CAND1: variants seen among roughly 807,000 people sequenced by gnomAD.
CAND1 encodes the protein cullin-associated NEDD8-dissociated protein 1.
Under a neutral mutation model 108.5 loss-of-function variants are expected in CAND1, and 7 were observed. The observed-to-expected ratio is 0.06, with a 90% CI of 0.04 to 0.12. The LOEUF (loss-of-function observed/expected upper bound fraction) is 0.12. Among genes scored for constraint, CAND1 ranks in the 10% least tolerant of loss-of-function variants. The probability of loss-of-function intolerance (pLI) is 1.00; values close to 1 mark genes in which losing one functional copy is unlikely to be tolerated. For missense variants in CAND1, 941 were observed against 1,448.7 expected (o/e 0.65, Z 5.69); for synonymous variants, 534 against 512.0 (o/e 1.04, Z -0.58).
At chr12:67,297,099 TG>T (rs1417852297) in intron 4 of CAND1, among the ~76,000 whole-genome samples, 1 of 151,966 alleles carries the variant, frequency 6.6e-6, no homozygotes, top group East Asian at 1.9e-4. Flanking sequence ...CACCCAGACT[TG>T]TGGTTTTTGT....
chr12:67,289,084 T>G (rs1337653016), intron 2 of CAND1, among the ~76,000 whole-genome samples: 1 of 152,212 alleles, frequency 6.6e-6, no homozygotes, highest in Non-Finnish European at 1.5e-5. Flanking sequence ...TTGTTTTGTC[T>G]GTTTTTATTT....
Position 67,306,624 on chromosome 12 carries a change from A to G in CAND1, c.2929+27A>G, listed in dbSNP as rs764740192. 6.5e-6 allele frequency: 10 copies of G among 1,529,848 alleles called. No individual in the cohort carries two copies. The South Asian group carries it at 1.3e-4, about 20-fold the overall frequency. 94.8% of individuals were successfully genotyped at this position (1,529,848 alleles called of 1,614,324 possible). On this transcript the variant is annotated intron_variant, in intron 10 of 14. Coordinates refer to ENST00000545606, the MANE Select transcript of CAND1 (RefSeq NM_018448.5). ...TAGGTATCTAGATTTTCTTACTTAA[A>G]AAGTTTTTTATTGATAGTTGGTTGC...
In CAND1 at chr12:67,282,025, G is replaced by T; in HGVS notation, c.184G>T (p.Gly62Ter). ...MILKLLEDKN[G>*]EVQNLAVKCL... ...TTTGAAGTTATTGGAAGATAAAAATGGAGAGGTACAGAATTTAGCTGTCAA... is the reference window on the plus strand; with the variant it reads ...TTTGAAGTTATTGGAAGATAAAAATTGAGAGGTACAGAATTTAGCTGTCAA... The change falls in exon 2 of 15, where the codon GGA becomes TGA. Residue 62 changes from glycine (G) to a stop codon, truncating the protein, a stop_gained. Transcript: ENST00000545606. LOFTEE classifies it high-confidence loss of function. The T allele has an allele frequency of 1.2e-6, 2 of 1,612,312 alleles. No homozygotes were observed. The highest frequency in any genetic ancestry group is 1.1e-5 in the South Asian group (1 of 90,608).
intron 1 of CAND1, among the ~76,000 whole-genome samples, chr12:67,277,819 A>C (rs574790873): frequency 6.6e-6 from 1 of 152,104 alleles, no homozygotes; most frequent in African/African-American, 2.4e-5. Flanking sequence ...TTTTTTTTCC[A>C]TCTTCATTGA....
intron 5 of CAND1, 34 bp from the exon 6 acceptor site, chr12:67,297,714 G>A (rs1192435320): frequency 1.3e-6 from 2 of 1,577,354 alleles, no homozygotes; most frequent in Non-Finnish European, 1.7e-6. Flanking sequence ...AAAAATTAAT[G>A]CATGTTTTTA....
intron 2 of CAND1, among the ~76,000 whole-genome samples, chr12:67,284,211 T>C (rs1043365498): frequency 1.3e-5 from 2 of 152,014 alleles, no homozygotes; most frequent in African/African-American, 4.8e-5. Context: ...ATAGGGTAAG[T>C]ATGAAAACCT....
intron 8 of CAND1, 62 bp downstream of exon 8, chr12:67,302,677 T>C (rs1295678631): frequency 6.9e-7 from 1 of 1,450,262 alleles, no homozygotes; most frequent in East Asian, 2.3e-5. Flanking sequence ...TAAAATTGTC[T>C]TTATATGGAA....
chr12:67,282,143 C>T, intron 2 of CAND1, 90 bp downstream of exon 2: 1 of 1,280,030 alleles, frequency 7.8e-7, no homozygotes, highest in Non-Finnish European at 1.1e-6. Flanking sequence ...TTATCTTAGC[C>T]TTGTACTATC....
intron 1 of CAND1, among the ~76,000 whole-genome samples, chr12:67,275,787 A>G (rs1023898922): frequency 6.6e-6 from 1 of 152,106 alleles, no homozygotes; most frequent in Non-Finnish European, 1.5e-5. Context: ...TAAGTTCCAG[A>G]CTGTGTTACT....
At chr12:67,270,927 A>G (rs575918308) in intron 1 of CAND1, 6 of 152,224 alleles carry the variant, frequency 3.9e-5, no homozygotes, top group Non-Finnish European at 7.3e-5. Flanking sequence ...TGTATGAACA[A>G]TATGTTTTAA....
intron 3 of CAND1, 137 bp downstream of exon 3, chr12:67,292,913 A>G (rs2044735616): frequency 1.4e-6 from 1 of 712,724 alleles, no homozygotes; most frequent in Admixed American, 2.7e-5. Context: ...TTGGACAATT[A>G]AGAAAATTAA....
chr12:67,307,398 C>T lies in CAND1; in HGVS notation c.2931C>T (p.Gly977=), dbSNP rs2136019105. The T allele has an allele frequency of 6.2e-7, 1 of 1,608,642 alleles. No individual in the cohort carries two copies. Among genetic ancestry groups the T allele is most frequent in the Non-Finnish European group, 8.5e-7 (1 of 1,176,326 alleles). Residue 977 remains glycine (G), a splice_region_variant and synonymous_variant, in exon 11 of 15, where the codon GGC becomes GGT. Transcript: ENST00000545606. ...LPRLKGYLIS[G]SSYARSSVVT... ...GACTTGCAATTTATTTTTAACTAGG[C>T]TCATCATATGCCCGAAGCTCAGTGG...
chr12:67,286,156 C>T (rs1408441603), intron 2 of CAND1, among the ~76,000 whole-genome samples: 4 of 152,042 alleles, frequency 2.6e-5, no homozygotes, highest in Non-Finnish European at 4.4e-5. Flanking sequence ...TACAGGCACC[C>T]GCCACCACGC....
chr12:67,293,466 T>C (rs900560381), intron 3 of CAND1, among the ~76,000 whole-genome samples: 1 of 152,160 alleles, frequency 6.6e-6, no homozygotes, highest in Non-Finnish European at 1.5e-5. Flanking sequence ...AATAATGTAG[T>C]CTGGGGGCCG....
At chr12:67,280,237 G>T (rs944140280) in intron 1 of CAND1, among the ~76,000 whole-genome samples, 2 of 152,232 alleles carry the variant, frequency 1.3e-5, no homozygotes, top group East Asian at 3.9e-4. Context: ...AGTAATTGTG[G>T]TTTTTACCAT....
intron 3 of CAND1, among the ~76,000 whole-genome samples, chr12:67,294,023 C>T (rs1168218638): frequency 6.6e-6 from 1 of 152,108 alleles, no homozygotes; most frequent in East Asian, 1.9e-4. Flanking sequence ...AAAAAGGATG[C>T]TTTCTTCAAT....
At chr12:67,289,482 G>A (rs2044702711) in intron 2 of CAND1, among the ~76,000 whole-genome samples, 2 of 152,108 alleles carry the variant, frequency 1.3e-5, no homozygotes, top group African/African-American at 4.8e-5. Context: ...TTGACTTCCT[G>A]GGCTCCAGTG....
In CAND1 at chr12:67,318,782, T is replaced by C. The variant is rs1305768936; in HGVS notation, c.*5952T>C. ...AGCTTGCTGATTATCATGGGAAGAC[T>C]GACATAAGGAAGCACCATAAAATTC... On this transcript the variant is annotated 3_prime_UTR_variant, in exon 15 of 15. Transcript: ENST00000545606. 8 of 152,206 alleles carry C rather than the reference T, an allele frequency of 5.3e-5. No individual in the cohort carries two copies. The highest frequency in any genetic ancestry group is 1.2e-4 in the Non-Finnish European group (8 of 68,054). The allele number at this position is 152,206 out of a possible 1,614,324, so 9.4% of individuals were successfully genotyped here.
At chr12:67,273,479 C>CTTTTTT (rs535435592) in intron 1 of CAND1, among the ~76,000 whole-genome samples, 13 of 130,624 alleles carry the variant, frequency 1.0e-4, no homozygotes, top group Non-Finnish European at 1.8e-4. Context: ...AAGTTCTTTT[C>CTTTTTT]TTTTTTTTTT....
Sources: gnomAD v4.1 joint callset for allele counts (sites outside exome capture counted in the v4.1 genomes callset) on GRCh38, gnomAD v4.1.1 for gene constraint, MANE v1.5 for transcripts, NCBI Gene and HGNC (gene_info 2026-07-23, HGNC 2026-07-21) for gene names.